The following SYNRG variants were observed in gnomAD, a reference collection of about 807,000 sequenced individuals.
The protein encoded by SYNRG is synergin gamma.
Under a neutral mutation model 130.9 loss-of-function variants are expected in SYNRG, and 37 were observed. The ratio of observed to expected loss-of-function variants is 0.28; its 90% CI spans 0.22 to 0.37. The LOEUF is 0.37. Among genes scored for constraint, SYNRG ranks in the 10% least tolerant of loss-of-function variants. The pLI, the probability that SYNRG is intolerant of heterozygous loss-of-function variation, is 1.00. For missense variants in SYNRG, 1,338 were observed against 1,588.9 expected (o/e 0.84, Z 2.68); for synonymous variants, 539 against 568.1 (o/e 0.95, Z 0.73).
At chr17:37,531,934 TCAC>T (rs372909823) in intron 19 of SYNRG, among the ~76,000 whole-genome samples, 2 of 152,340 alleles carry the variant, frequency 1.3e-5, no homozygotes, top group African/African-American at 4.8e-5. Context: ...GGCTAAAGAT[TCAC>T]CACAATTTAC....
At chr17:37,559,487 T>C (rs2059365423) in intron 13 of SYNRG, among the ~76,000 whole-genome samples, 1 of 152,226 alleles carries the variant, frequency 6.6e-6, no homozygotes, top group East Asian at 1.9e-4. Context: ...GTCAGGAGTT[T>C]CAGACCAGCC....
chr17:37,571,972 A>T lies in SYNRG; in HGVS notation c.917T>A (p.Ile306Asn). ...ESLVPDAYKK[I>N]LETTMTPTGI... is the part of the protein sequence containing the mutation. ...AGTTGGAGTCATTGTGGTTTCTAAG[A>T]TTTTCTTATAGGCATCTATTAAAGG... The change falls in exon 9 of 22, where the codon ATC becomes AAC. Residue 306 changes from isoleucine to asparagine, a missense_variant. By Grantham distance (149) the Ile-to-Asn change is moderately radical. Around this residue, in one of 3 missense-constraint regions of SYNRG, gnomAD observed 1,146 missense variants for 1,342.3 expected, o/e 0.85. Coordinates refer to ENST00000612223, the MANE Select transcript of SYNRG (RefSeq NM_007247.6). 6.2e-7 allele frequency: 1 copy of T among 1,611,272 alleles called. No homozygotes were observed. Among genetic ancestry groups the T allele is most frequent in the South Asian group, 1.1e-5 (1 of 90,222 alleles).
chr17:37,556,509 G>C (rs905076283), intron 13 of SYNRG, among the ~76,000 whole-genome samples: 8 of 150,262 alleles, frequency 5.3e-5, no homozygotes, highest in Non-Finnish European at 1.2e-4. Flanking sequence ...AAAATATACT[G>C]TGCTTGTAAC....
chr17:37,534,027 C>T (rs574830300), intron 19 of SYNRG, among the ~76,000 whole-genome samples: 9 of 139,134 alleles, frequency 6.5e-5, no homozygotes, highest in Admixed American at 1.6e-4. Flanking sequence ...CTCCATTTCC[C>T]GGGTTCAAGC....
intron 14 of SYNRG, among the ~76,000 whole-genome samples, chr17:37,550,913 A>G (rs547023527): frequency 1.3e-5 from 2 of 152,320 alleles, no homozygotes; most frequent in Admixed American, 6.5e-5. Context: ...TCAGGGGGAA[A>G]AAACAGCCTA....
At position 37,517,397 on chromosome 17, in the gene SYNRG, C is replaced by T. The variant is rs1030755020; in HGVS notation, c.*1543G>A. 4 of 151,938 alleles carry T rather than the reference C, an allele frequency of 2.6e-5. No individual in the cohort carries two copies. The highest frequency in any genetic ancestry group is 2.0e-4 in the Admixed American group (3 of 15,248). 9.4% of individuals were successfully genotyped at this position (151,938 alleles called of 1,614,324 possible). ...TGGTGGGCAAAAGCTCCAAAGGTGCCCATTCAGAGTGAGCTGCCTCAGTCA... is the reference window on the plus strand; with the variant it reads ...TGGTGGGCAAAAGCTCCAAAGGTGCTCATTCAGAGTGAGCTGCCTCAGTCA... On this transcript the variant is annotated 3_prime_UTR_variant, in exon 22 of 22. Coordinates refer to ENST00000612223, the MANE Select transcript of SYNRG (RefSeq NM_007247.6).
At chr17:37,538,185 A>T (rs879002675) in intron 18 of SYNRG, 139 bp downstream of exon 18, 1 of 601,256 alleles carries the variant, frequency 1.7e-6, no homozygotes. Flanking sequence ...CTGTAGCTTG[A>T]GTGTCTTACC....
intron 19 of SYNRG, among the ~76,000 whole-genome samples, chr17:37,531,673 G>A (rs2056646835): frequency 2.0e-5 from 3 of 152,064 alleles, no homozygotes; most frequent in Admixed American, 2.0e-4. Flanking sequence ...CAGCTACTCA[G>A]GAGGCTGAGG....
intron 10 of SYNRG, 122 bp downstream of exon 10, chr17:37,570,515 C>A (rs1239593333): frequency 2.3e-6 from 3 of 1,310,156 alleles, no homozygotes; most frequent in African/African-American, 3.0e-5. Context: ...CTGAAAGATA[C>A]AACCTAAGAA....
chr17:37,566,226 G>T (rs1282996744), intron 11 of SYNRG, among the ~76,000 whole-genome samples: 3 of 152,060 alleles, frequency 2.0e-5, no homozygotes, highest in Non-Finnish European at 4.4e-5. Context: ...TGAGAAATCG[G>T]ATGGTTGCCG....
chr17:37,593,989 C>T (rs2062450269), intron 3 of SYNRG, among the ~76,000 whole-genome samples: 1 of 151,608 alleles, frequency 6.6e-6, no homozygotes, highest in Non-Finnish European at 1.5e-5. Context: ...ATCATTAATA[C>T]ACAAGCTTCT....
chr17:37,564,685 C>T (rs959198142), intron 11 of SYNRG, among the ~76,000 whole-genome samples: 2 of 152,178 alleles, frequency 1.3e-5, no homozygotes, highest in Non-Finnish European at 2.9e-5. Flanking sequence ...CTAGGCTTAG[C>T]TATTCACACC....
chr17:37,530,772 C>T (rs373198504), intron 19 of SYNRG, among the ~76,000 whole-genome samples: 1 of 152,162 alleles, frequency 6.6e-6, no homozygotes, highest in East Asian at 1.9e-4. Context: ...AGCTTCTGTT[C>T]GCAATATTCT....
intron 3 of SYNRG, among the ~76,000 whole-genome samples, chr17:37,592,536 C>T (rs1475833047): frequency 6.6e-6 from 1 of 151,988 alleles, no homozygotes; most frequent in Non-Finnish European, 1.5e-5. Flanking sequence ...CTTCAGTGAG[C>T]AAAAGGTTAA....
rs768302110 is a variant in SYNRG, at chr17:37,553,801, T to A, written c.1922A>T (p.Lys641Ile). ...TGTTGACTGTGGTGTAGAAACTGAT[T>A]TTGATGTGCTAAACACAGCTGAAAA... ...LSFSAVFSTSKSVSTPQSTGS... is the reference protein window; with the variant it reads ...LSFSAVFSTSISVSTPQSTGS... Residue 641 changes from lysine (K) to isoleucine (I), a missense_variant, in exon 14 of 22, where the codon AAA becomes ATA. Physicochemically the swap from Lys to Ile is moderately radical, Grantham distance 102. Transcript: ENST00000612223. The A allele has an allele frequency of 1.9e-6, 3 of 1,612,692 alleles. No individual in the cohort carries two copies. The South Asian group carries it at 3.3e-5, about 18-fold the overall frequency.
intron 14 of SYNRG, among the ~76,000 whole-genome samples, chr17:37,545,796 A>G (rs1033981666): frequency 2.0e-5 from 3 of 152,248 alleles, no homozygotes; most frequent in Non-Finnish European, 4.4e-5. Flanking sequence ...TCAAGCCTCA[A>G]AATTGAGTTT....
chr17:37,585,943 C>A (rs1288934533), intron 4 of SYNRG, among the ~76,000 whole-genome samples: 1 of 152,164 alleles, frequency 6.6e-6, no homozygotes, highest in African/African-American at 2.4e-5. Flanking sequence ...ATTACAGGAT[C>A]TCTAAGGTCC....
chr17:37,561,309 A>G, intron 12 of SYNRG, 52 bp from the exon 13 acceptor site: 1 of 1,580,512 alleles, frequency 6.3e-7, no homozygotes, highest in Non-Finnish European at 8.7e-7. Flanking sequence ...TTGAAATCAC[A>G]GCTCCAGGAA....
intron 14 of SYNRG, among the ~76,000 whole-genome samples, chr17:37,551,247 T>C (rs1288362823): frequency 6.6e-6 from 1 of 152,204 alleles, no homozygotes; most frequent in Non-Finnish European, 1.5e-5. Context: ...GAATAAGTCC[T>C]TGCCATTTAC....
Sources: allele counts gnomAD v4.1 joint callset (sites outside exome capture counted in the v4.1 genomes callset), GRCh38; gene constraint gnomAD v4.1.1; regional missense constraint gnomAD v4.1.1; transcripts MANE v1.5; gene names NCBI Gene and HGNC (gene_info 2026-07-23, HGNC 2026-07-21).